NPNT: variants seen among roughly 807,000 people sequenced by gnomAD.
The protein encoded by NPNT is nephronectin.
NPNT carries 45 observed loss-of-function variants against 68.6 expected under a neutral mutation model. That is an observed-to-expected ratio of 0.66 (90% confidence interval 0.52 to 0.84). NPNT has a LOEUF of 0.84. NPNT is among the 40% of genes least tolerant of loss of function. The probability of loss-of-function intolerance (pLI) is 0.00; values close to 1 mark genes in which losing one functional copy is unlikely to be tolerated. For synonymous variants in NPNT, 233 were observed against 253.3 expected (o/e 0.92, Z 0.76); for missense variants, 672 against 714.8 (o/e 0.94, Z 0.68).
At chr4:105,897,844 A>C in intron 1 of NPNT, 57 bp from the exon 2 acceptor site, 1 of 1,377,808 alleles carries the variant, frequency 7.3e-7, no homozygotes, top group Non-Finnish European at 1.0e-6. Flanking sequence ...AATACAGAGG[A>C]AATTACCTTT....
intron 3 of NPNT, chr4:105,932,745 C>A (rs1729214897): frequency 1.0e-5 from 13 of 1,286,142 alleles, no homozygotes; most frequent in Non-Finnish European, 1.4e-5. Flanking sequence ...TTCCCACCTG[C>A]ATGGCTTCCT....
chr4:105,895,969 G>T lies in NPNT; in HGVS notation c.71+246G>T, dbSNP rs540998530. On this transcript the variant is annotated intron_variant, in intron 1 of 11. Transcript: ENST00000379987. ...CGGCCCCCCGAGGGCGACTCGCCCCGGCTCGGGAATTAGGACTGAGGGAGA... is the reference window on the plus strand; with the variant it reads ...CGGCCCCCCGAGGGCGACTCGCCCCTGCTCGGGAATTAGGACTGAGGGAGA... 1.1e-3 allele frequency: 584 copies of T among 549,860 alleles called. 10 individuals are homozygous for T. In the South Asian group the frequency reaches 0.012, roughly 12 times the overall value. 34.1% of individuals were successfully genotyped at this position (549,860 alleles called of 1,614,324 possible). A position where few individuals can be genotyped will look rare whatever the true frequency, so the allele number is the denominator to read the frequency against.
At chr4:105,920,629 G>A (rs556083467) in intron 2 of NPNT, among the ~76,000 whole-genome samples, 1 of 152,038 alleles carries the variant, frequency 6.6e-6, no homozygotes, top group South Asian at 2.1e-4. Flanking sequence ...AACTTGAGAT[G>A]CACATATACA....
Position 105,967,286 on chromosome 4 carries a change from T to C in NPNT, c.1444T>C (p.Cys482Arg). The change falls in exon 11 of 12, where the codon TGC (cysteine) becomes CGC (arginine). Residue 482 changes from cysteine (C) to arginine (R), a missense_variant. Transcript: ENST00000379987. ...CCGCCTCATGCATTCAGGGGACCTG[T>C]GCCTGTCATTCAGGCACAAGGTGAC... Reference protein sequence around the residue: ...LGRLMHSGDLCLSFRHKVTGL... With the variant: ...LGRLMHSGDLRLSFRHKVTGL... 1 of 1,614,030 alleles carries C rather than the reference T, an allele frequency of 6.2e-7. No individual in the cohort carries two copies. Among genetic ancestry groups the C allele is most frequent in the East Asian group, 2.2e-5 (1 of 44,840 alleles).
At chr4:105,962,567 A>C (rs1267773140) in intron 10 of NPNT, among the ~76,000 whole-genome samples, 1 of 152,156 alleles carries the variant, frequency 6.6e-6, no homozygotes, top group Non-Finnish European at 1.5e-5. Context: ...GCATCAGATG[A>C]AAGTTGGATT....
chr4:105,902,224 T>G (rs1726477902), intron 2 of NPNT, among the ~76,000 whole-genome samples: 1 of 152,248 alleles, frequency 6.6e-6, no homozygotes, highest in African/African-American at 2.4e-5. Context: ...TTAGAGCTGT[T>G]AGAATGTTAG....
intron 11 of NPNT, among the ~76,000 whole-genome samples, chr4:105,967,688 T>C (rs1732281459): frequency 6.6e-6 from 1 of 151,976 alleles, no homozygotes; most frequent in African/African-American, 2.4e-5. Context: ...CCATTTTTTT[T>C]TAATGGAAAA....
At chr4:105,909,715 A>G (rs1046808358) in intron 2 of NPNT, among the ~76,000 whole-genome samples, 2 of 152,296 alleles carry the variant, frequency 1.3e-5, no homozygotes, top group African/African-American at 2.4e-5. Context: ...AATGAAAAAT[A>G]TAGCATGAAA....
intron 2 of NPNT, among the ~76,000 whole-genome samples, chr4:105,914,470 AT>A (rs1727635765): frequency 1.4e-5 from 2 of 138,762 alleles, no homozygotes; most frequent in African/African-American, 5.3e-5. Context: ...TATATAATAT[AT>A]TATATATATA....
rs975296044 is a variant in NPNT at position 105,911,202 on chromosome 4, C to A, written c.172+13201C>A. Among the ~76,000 whole-genome samples, 16 of 151,736 alleles carry A rather than the reference C, an allele frequency of 1.1e-4. No individual in the cohort carries two copies. The East Asian group carries it at 1.7e-3, about 17-fold the overall frequency. On this transcript the variant is annotated intron_variant, in intron 2 of 11. Coordinates refer to ENST00000379987, the MANE Select transcript of NPNT (RefSeq NM_001033047.3). ...TTCTTTTCAAAATAACAGTAGAAAC[C>A]TGACCAATATGAAAAAAAAAAGTCT... is the stretch of plus-strand genomic sequence containing the variant.
intron 2 of NPNT, chr4:105,912,106 T>TA: frequency 1.1e-6 from 1 of 947,228 alleles, no homozygotes. Context: ...TCCGGGAATG[T>TA]AACAAGTTGA....
intron 3 of NPNT, among the ~76,000 whole-genome samples, chr4:105,932,018 CA>C (rs1448641057): frequency 1.3e-5 from 2 of 152,134 alleles, no homozygotes; most frequent in Admixed American, 1.3e-4. Context: ...CAACAGTTAA[CA>C]TTTTTTTGCA....
chr4:105,963,899 G>C (rs1019136558), intron 10 of NPNT, among the ~76,000 whole-genome samples: 7 of 151,966 alleles, frequency 4.6e-5, no homozygotes, highest in Admixed American at 2.6e-4. Context: ...CCAGCAAGAT[G>C]CAGCCAGTTT....
At chr4:105,963,324 G>A (rs112513954) in intron 10 of NPNT, among the ~76,000 whole-genome samples, 139 of 152,220 alleles carry the variant, frequency 9.1e-4, no homozygotes, top group African/African-American at 3.1e-3. Flanking sequence ...AAGAATATGT[G>A]TTTGGATATC....
At chr4:105,968,197 A>G (rs1397887267) in intron 11 of NPNT, among the ~76,000 whole-genome samples, 1 of 152,230 alleles carries the variant, frequency 6.6e-6, no homozygotes, top group African/African-American at 2.4e-5. Context: ...AAGAAAAGAT[A>G]GATTCCATTA....
At chr4:105,947,658 G>T (rs72970410) in intron 8 of NPNT, among the ~76,000 whole-genome samples, 1 of 152,074 alleles carries the variant, frequency 6.6e-6, no homozygotes, top group Non-Finnish European at 1.5e-5. Context: ...ACTTTCAGGA[G>T]ATGACTCACT....
In NPNT at chr4:105,947,833, A is replaced by G. The variant is rs1730506666; in HGVS notation, c.1159+5131A>G. On this transcript the variant is annotated intron_variant, in intron 8 of 11. Coordinates refer to ENST00000379987, the MANE Select transcript of NPNT (RefSeq NM_001033047.3). Reference sequence around the variant, plus strand: ...ATATAATAGTCAAATCTGACCCAATACTGATCACGGGGGGGTTTCTTTTAA... The same window carrying G: ...ATATAATAGTCAAATCTGACCCAATGCTGATCACGGGGGGGTTTCTTTTAA... Among the ~76,000 whole-genome samples the G allele has an allele frequency of 2.0e-5, 3 of 152,160 alleles. No homozygotes were observed. In the South Asian group the frequency reaches 6.2e-4, roughly 32 times the overall value.
At chr4:105,928,678 A>G (rs1182228745) in intron 3 of NPNT, among the ~76,000 whole-genome samples, 1 of 151,836 alleles carries the variant, frequency 6.6e-6, no homozygotes, top group Non-Finnish European at 1.5e-5. Flanking sequence ...GATTAGGGTT[A>G]GATTTCACTA....
chr4:105,931,272 T>G (rs1729083363), intron 3 of NPNT, among the ~76,000 whole-genome samples: 1 of 152,206 alleles, frequency 6.6e-6, no homozygotes, highest in African/African-American at 2.4e-5. Context: ...AAAGACATTC[T>G]TAGGAATTTA....
Sources: allele counts gnomAD v4.1 joint callset (sites outside exome capture counted in the v4.1 genomes callset), GRCh38; gene constraint gnomAD v4.1.1; transcripts MANE v1.5; gene names NCBI Gene and HGNC (gene_info 2026-07-23, HGNC 2026-07-21).